Variants in SMARCA2 observed in about 807,000 individuals in gnomAD.
SMARCA2 encodes the protein SWI/SNF-related matrix-associated actin-dependent regulator of chromatin subfamily A member 2.
SMARCA2 carries 61 observed loss-of-function variants against 199.8 expected under a neutral mutation model. The ratio of observed to expected loss-of-function variants is 0.31; its 90% CI spans 0.25 to 0.38. The LOEUF (loss-of-function observed/expected upper bound fraction) is 0.38, where lower values mean the gene tolerates loss of function less well. SMARCA2 is among the 10% of genes least tolerant of loss of function. The pLI, the probability that SMARCA2 is intolerant of heterozygous loss-of-function variation, is 1.00. For missense variants in SMARCA2, 1,344 were observed against 2,012.2 expected, an observed-to-expected ratio of 0.67 and a Z score of 6.35; for synonymous variants, 935 against 732.0, an observed-to-expected ratio of 1.28 and a Z score of -4.48.
At chr9:2,172,151 A>G (rs1826282952) in intron 29 of SMARCA2, among the ~76,000 whole-genome samples, 2 of 152,254 alleles carry the variant, frequency 1.3e-5, no homozygotes, top group East Asian at 1.9e-4. Flanking sequence ...AGATTGTATT[A>G]TGATGAATTA....
rs1823553669 is a variant in SMARCA2 at position 2,123,481 on chromosome 9, A to G, written c.3763-238A>G. 1.3e-5 allele frequency among the ~76,000 whole-genome samples: 2 copies of G among 152,214 alleles called. No individual in the cohort carries two copies. Among genetic ancestry groups the G allele is most frequent in the Non-Finnish European group, 2.9e-5 (2 of 68,028 alleles). On this transcript the variant is annotated intron_variant, in intron 26 of 33. Transcript: ENST00000349721. This position sits in a 1 kb window ranked among gnomAD's most constrained non-coding sequence, Gnocchi z 4.1. ...TAAGAAAAGGAAATTCTTTAAAAGT[A>G]CTTTTTAAATGTATGAATAAGTTTC...
intron 3 of SMARCA2, among the ~76,000 whole-genome samples, chr9:2,038,878 G>C (rs1490962000): frequency 6.6e-6 from 1 of 152,138 alleles, no homozygotes; most frequent in Non-Finnish European, 1.5e-5. Flanking sequence ...TTCATAACAT[G>C]CATAATAATA....
chr9:2,156,849 C>G (rs541620858), intron 27 of SMARCA2, among the ~76,000 whole-genome samples: 35 of 152,288 alleles, frequency 2.3e-4, no homozygotes, highest in Middle Eastern at 3.4e-3. Context: ...AAATTCTGAC[C>G]TCATTAAGCA....
chr9:2,072,011 T>A (rs1464119849), intron 10 of SMARCA2: 2 of 152,216 alleles, frequency 1.3e-5, no homozygotes. Context: ...ATTGCTAATA[T>A]ATTGTTTCTT....
chr9:2,154,404 T>C (rs1273906805), intron 27 of SMARCA2, among the ~76,000 whole-genome samples: 2 of 152,256 alleles, frequency 1.3e-5, no homozygotes, highest in Non-Finnish European at 2.9e-5. Context: ...ACTATGCTTT[T>C]GATTTCTTCT....
At chr9:2,142,407 C>CTT (rs1005204843) in intron 27 of SMARCA2, among the ~76,000 whole-genome samples, 39 of 152,212 alleles carry the variant, frequency 2.6e-4, no homozygotes, top group Middle Eastern at 3.4e-3. Flanking sequence ...AGGGAACTTC[C>CTT]TTATGCTTGC....
chr9:2,189,947 GACA>G (rs1346506035), intron 32 of SMARCA2, among the ~76,000 whole-genome samples: 4 of 152,164 alleles, frequency 2.6e-5, no homozygotes, highest in Non-Finnish European at 4.4e-5. Flanking sequence ...TTCCCTCTAT[GACA>G]ACATCTATTT....
intron 31 of SMARCA2, 150 bp downstream of exon 31, chr9:2,182,392 G>T: frequency 4.0e-6 from 2 of 493,902 alleles, no homozygotes; most frequent in Admixed American, 3.6e-5. Flanking sequence ...ACCTGTGTAA[G>T]AAAATAGAGG....
chr9:2,102,877 G>C lies in SMARCA2; in HGVS notation c.3126-1126G>C, dbSNP rs72689107. On this transcript the variant is annotated intron_variant, in intron 22 of 33. Coordinates refer to ENST00000349721, the MANE Select transcript of SMARCA2 (RefSeq NM_003070.5). ...TCAGTATAGCTCATAGAGCCCTAAA[G>C]AGTCTGTTCCTAGTCCCATCCTCCA... Among the ~76,000 whole-genome samples the C allele has an allele frequency of 6.1e-3, 927 of 151,664 alleles. 6 individuals are homozygous for C. The highest frequency in any genetic ancestry group is 0.011 in the Non-Finnish European group (743 of 67,976).
intron 31 of SMARCA2, among the ~76,000 whole-genome samples, chr9:2,185,220 TTC>T (rs1051262541): frequency 9.9e-5 from 15 of 152,192 alleles, no homozygotes; most frequent in African/African-American, 2.7e-4. Flanking sequence ...CCATGGCACT[TTC>T]TGTTTCTATG....
In SMARCA2 at chr9:2,058,384, G is replaced by T; in HGVS notation, c.1441G>T (p.Ala481Ser). 6.2e-7 allele frequency: 1 copy of T among 1,614,108 alleles called. No individual in the cohort carries two copies. The highest frequency in any genetic ancestry group is 8.5e-7 in the Non-Finnish European group (1 of 1,179,976). The change falls in exon 8 of 34, where the codon GCA becomes TCA. Residue 481 changes from alanine to serine, a missense_variant. Ala to Ser is a moderately conservative substitution (Grantham distance 99). Coordinates refer to ENST00000349721, the MANE Select transcript of SMARCA2 (RefSeq NM_003070.5). Reference sequence around the variant, plus strand: ...GATCCAGAAGCTCTCCAAAGCAGTGGCAACTTGGCATGCCAACACTGAAAG... The same window carrying T: ...GATCCAGAAGCTCTCCAAAGCAGTGTCAACTTGGCATGCCAACACTGAAAG... ...GKIQKLSKAV[A>S]TWHANTEREQ...
intron 29 of SMARCA2, among the ~76,000 whole-genome samples, chr9:2,172,432 A>C (rs1826301892): frequency 7.3e-6 from 1 of 136,058 alleles, no homozygotes. Flanking sequence ...TGAAGGGAGG[A>C]TGGGTGGGGG....
intron 27 of SMARCA2, among the ~76,000 whole-genome samples, chr9:2,146,423 T>C (rs1044059522): frequency 6.6e-6 from 1 of 152,182 alleles, no homozygotes; most frequent in African/African-American, 2.4e-5. Flanking sequence ...CTCTAGATTC[T>C]GTTACCGGAT....
Position 2,110,249 on chromosome 9 carries a change from C to G in SMARCA2, c.3293-5C>G, listed in dbSNP as rs41270123. 37 of 1,607,042 alleles carry G rather than the reference C, an allele frequency of 2.3e-5. No homozygotes were observed. Among genetic ancestry groups the G allele is most frequent in the Non-Finnish European group, 3.1e-5 (36 of 1,177,040 alleles). ...TTGGCAAATTAATTTTTCTGATCCCCTCAGGCACCACCAAGTCTGAAGATC... is the reference window on the plus strand; with the variant it reads ...TTGGCAAATTAATTTTTCTGATCCCGTCAGGCACCACCAAGTCTGAAGATC... On this transcript the variant is annotated splice_polypyrimidine_tract_variant and splice_region_variant and intron_variant, in intron 23 of 33. Transcript: ENST00000349721. This position sits in a 1 kb window ranked among gnomAD's most constrained non-coding sequence, Gnocchi z 4.8.
At chr9:2,088,706 A>G (rs1174350131) in intron 19 of SMARCA2, 93 bp downstream of exon 19, 9 of 856,068 alleles carry the variant, frequency 1.1e-5, no homozygotes, top group Non-Finnish European at 1.7e-5. Context: ...CTGAAACAGC[A>G]GACTCATATT....
rs1112533 is a variant in SMARCA2, at chr9:2,033,182, A to C, written c.355+101A>C. ...TGAATTCCAAAGAATGTGTCTAAGGAAGGTTGAACCTAGTAGGTTTCTTTT... is the reference window on the plus strand; with the variant it reads ...TGAATTCCAAAGAATGTGTCTAAGGCAGGTTGAACCTAGTAGGTTTCTTTT... On this transcript the variant is annotated intron_variant, in intron 3 of 33. Transcript: ENST00000349721. 0.12 allele frequency: 167,503 copies of C among 1,366,238 alleles called. 11,431 individuals are homozygous for C. The highest frequency in any genetic ancestry group is 0.25 in the Admixed American group (12,200 of 49,416). The allele number at this position is 1,366,238 out of a possible 1,614,324, so 84.6% of individuals were successfully genotyped here. A position where few individuals can be genotyped will look rare whatever the true frequency, so the allele number is the denominator to read the frequency against.
chr9:2,071,833 C>T (rs973598990), intron 10 of SMARCA2, among the ~76,000 whole-genome samples: 1 of 152,082 alleles, frequency 6.6e-6, no homozygotes, highest in Non-Finnish European at 1.5e-5. Context: ...TGTAGATTTC[C>T]TTCTTTATCT....
Position 2,161,872 on chromosome 9 carries a change from A to G in SMARCA2, c.4168A>G (p.Ile1390Val). The change falls in exon 28 of 34, where the codon ATC becomes GTC. Residue 1390 changes from isoleucine to valine, a missense_variant. Transcript: ENST00000349721. This position sits in a 1 kb window ranked among gnomAD's most constrained non-coding sequence, Gnocchi z 4.7. ...CAAACTGACAAAGCAGATGAACGCT[A>G]TCATCGATACTGTGATAAACTACAA... ...PPKLTKQMNA[I>V]IDTVINYKDR... is the part of the protein sequence containing the mutation. 7 of 1,614,076 alleles carry G rather than the reference A, an allele frequency of 4.3e-6. No homozygotes were observed. Among genetic ancestry groups the G allele is most frequent in the Non-Finnish European group, 5.9e-6 (7 of 1,179,904 alleles).
intron 5 of SMARCA2, among the ~76,000 whole-genome samples, chr9:2,050,176 G>T (rs960109648): frequency 2.0e-5 from 3 of 152,066 alleles, no homozygotes; most frequent in Non-Finnish European, 4.4e-5. Flanking sequence ...GTCTGCCTAT[G>T]AGCACTTTGC....
Sources: allele counts gnomAD v4.1 joint callset (sites outside exome capture counted in the v4.1 genomes callset), GRCh38; gene constraint gnomAD v4.1.1; non-coding constraint Gnocchi (gnomAD v3.1); transcripts MANE v1.5; gene names NCBI Gene and HGNC (gene_info 2026-07-23, HGNC 2026-07-21).